The following PLAAT3 variants were observed in gnomAD, a reference collection of about 807,000 sequenced individuals.
PLAAT3 encodes the protein Ca-independent phospholipase A1/2.
Under a neutral mutation model 16.7 loss-of-function variants are expected in PLAAT3, and 21 were observed. The observed-to-expected ratio is 1.26, with a 90% CI of 0.89 to 1.81. The LOEUF (loss-of-function observed/expected upper bound fraction) is 1.81, where lower values mean the gene tolerates loss of function less well. PLAAT3 is among the 40% of genes most tolerant of loss of function. The pLI is 0.00. For synonymous variants in PLAAT3, 76 were observed against 81.7 expected, an observed-to-expected ratio of 0.93 and a Z score of 0.38; for missense variants, 219 against 213.7, an observed-to-expected ratio of 1.02 and a Z score of -0.16.
chr11:63,597,017 A>G (rs1441084652), intron 3 of PLAAT3, among the ~76,000 whole-genome samples: 1 of 151,246 alleles, frequency 6.6e-6, no homozygotes, highest in African/African-American at 2.4e-5. Context: ...AATCACTTGA[A>G]CCTGGGAGGT....
At position 63,613,189 on chromosome 11, in the gene PLAAT3, A is replaced by G. The variant is rs1229142843; in HGVS notation, c.15+811T>C. 3.9e-5 allele frequency among the ~76,000 whole-genome samples: 6 copies of G among 152,118 alleles called. No homozygotes were observed. The South Asian group carries it at 1.0e-3, about 26-fold the overall frequency. ...CACTTTGCGAGACCGAGGCGGGCGG[A>G]GCACGAGGTCAGGAAGTCGAGACCA... On this transcript the variant is annotated intron_variant, in intron 2 of 4. Transcript: ENST00000415826.
upstream of PLAAT3, among the ~76,000 whole-genome samples, chr11:63,615,034 A>ATATATATATATATATATATATATATATG (rs1490480530): frequency 7.5e-4 from 21 of 28,054 alleles, 1 homozygote; most frequent in East Asian, 5.8e-3. Flanking sequence ...ATATGTGTGT[A>ATATATATATATATATATATATATATATG]TATATATGTA....
upstream of PLAAT3, among the ~76,000 whole-genome samples, chr11:63,615,040 A>ATATG (rs1938800918): frequency 1.0e-4 from 1 of 9,636 alleles, no homozygotes; most frequent in African/African-American, 1.3e-4. Flanking sequence ...GTGTATATAT[A>ATATG]TGTATATATA....
chr11:63,615,956 C>T (rs1938862955), upstream of PLAAT3, among the ~76,000 whole-genome samples: 1 of 152,172 alleles, frequency 6.6e-6, no homozygotes, highest in Non-Finnish European at 1.5e-5. Flanking sequence ...GCGTGAGCCA[C>T]CACTCGGCCC....
chr11:63,575,080 G>C, intron 4 of PLAAT3, 34 bp from the exon 5 acceptor site: 1 of 1,391,794 alleles, frequency 7.2e-7, no homozygotes, highest in Non-Finnish European at 1.0e-6. Flanking sequence ...CACACTCTGT[G>C]TCAGGATCCA....
chr11:63,596,401 C>T (rs1397061168), intron 3 of PLAAT3, among the ~76,000 whole-genome samples: 1 of 151,904 alleles, frequency 6.6e-6, no homozygotes, highest in Non-Finnish European at 1.5e-5. Flanking sequence ...TTGTGGAAGA[C>T]AATTTTTCCA....
intron 4 of PLAAT3, among the ~76,000 whole-genome samples, chr11:63,580,239 T>A (rs1305511631): frequency 2.0e-5 from 3 of 152,180 alleles, no homozygotes; most frequent in Non-Finnish European, 4.4e-5. Context: ...GTAGGCAGAA[T>A]GATAAGCCCC....
intron 2 of PLAAT3, among the ~76,000 whole-genome samples, chr11:63,600,250 T>C (rs761331146): frequency 2.0e-5 from 3 of 152,228 alleles, no homozygotes; most frequent in African/African-American, 4.8e-5. Flanking sequence ...CCCAAAGTGC[T>C]GGGATTACAG....
chr11:63,584,657 G>A (rs1009179801), intron 4 of PLAAT3, among the ~76,000 whole-genome samples: 3 of 151,810 alleles, frequency 2.0e-5, no homozygotes, highest in African/African-American at 7.3e-5. Context: ...GCGACTACAG[G>A]CCACCACGCC....
intron 2 of PLAAT3, among the ~76,000 whole-genome samples, chr11:63,612,114 GACA>G (rs1186784669): frequency 2.6e-5 from 4 of 152,150 alleles, no homozygotes; most frequent in East Asian, 3.9e-4. Context: ...CTCCAGCCTG[GACA>G]ACAAGAGTGA....
chr11:63,588,998 A>G (rs76009932), intron 4 of PLAAT3, among the ~76,000 whole-genome samples: 5 of 149,876 alleles, frequency 3.3e-5, no homozygotes, highest in Non-Finnish European at 7.4e-5. Context: ...AAAAAAAAAA[A>G]GAGGAGGATA....
intron 4 of PLAAT3, among the ~76,000 whole-genome samples, chr11:63,579,358 C>A (rs1937727080): frequency 6.6e-6 from 1 of 152,180 alleles, no homozygotes; most frequent in African/African-American, 2.4e-5. Context: ...CTTGACCCAG[C>A]CATCCCATTA....
chr11:63,602,553 G>A (rs1938458897), intron 2 of PLAAT3, among the ~76,000 whole-genome samples: 1 of 151,642 alleles, frequency 6.6e-6, no homozygotes, highest in Admixed American at 6.6e-5. Context: ...CTGCCTGCAA[G>A]AGGTCTGCCT....
Position 63,590,249 on chromosome 11 carries a change from G to A in PLAAT3, c.238C>T (p.His80Tyr), listed in dbSNP as rs1325581276. 3.7e-6 allele frequency: 6 copies of A among 1,614,092 alleles called. No individual in the cohort carries two copies. The highest frequency in any genetic ancestry group is 5.1e-6 in the Non-Finnish European group (6 of 1,180,028). Residue 80 changes from histidine (H) to tyrosine (Y), a missense_variant, in exon 4 of 5, where the codon CAT (histidine) becomes TAT (tyrosine). Coordinates refer to ENST00000415826, the MANE Select transcript of PLAAT3 (RefSeq NM_001128203.2). ...GSDKYQVNNK[H>Y]DDKYSPLPCS... ...GGCAGCGGCGAGTACTTGTCATCAT[G>A]TTTGTTGTTGACCTGGTACTTGTCA... is the stretch of plus-strand genomic sequence containing the variant.
intron 4 of PLAAT3, among the ~76,000 whole-genome samples, chr11:63,585,767 T>C (rs745402565): frequency 9.2e-5 from 14 of 152,180 alleles, no homozygotes; most frequent in Non-Finnish European, 1.6e-4. Context: ...GGTAGATGGG[T>C]AGGGCCAAAG....
chr11:63,580,305 A>C (rs1359440226), intron 4 of PLAAT3, among the ~76,000 whole-genome samples: 1 of 152,228 alleles, frequency 6.6e-6, no homozygotes, highest in Admixed American at 6.5e-5. Flanking sequence ...GCTACATGGC[A>C]AGTGAGAATT....
At chr11:63,608,602 A>G (rs1051517811) in intron 2 of PLAAT3, 1 of 152,180 alleles carries the variant, frequency 6.6e-6, no homozygotes, top group Non-Finnish European at 1.5e-5. Flanking sequence ...AAACAAAAAG[A>G]ATGTTTTTCT....
Position 63,589,409 on chromosome 11 carries a change from C to CAAAAAAAAAAAAAAAA in PLAAT3, c.387+690_387+691insTTTTTTTTTTTTTTTT, listed in dbSNP as rs748851566. 6.5e-5 allele frequency among the ~76,000 whole-genome samples: 2 copies of CAAAAAAAAAAAAAAAA among 30,750 alleles called. 1 individual carries two copies. 20.2% of individuals were successfully genotyped at this position (30,750 alleles called of 152,430 possible). A position where few individuals can be genotyped will look rare whatever the true frequency, so the allele number is the denominator to read the frequency against. ...CTTCCCAATGTTCTTTTCACCTATG[C>CAAAAAAAAAAAAAAAA]AAAGAAAAAAAAAAAAAAAAAGATG... On this transcript the variant is annotated intron_variant, in intron 4 of 4. Transcript: ENST00000415826.
chr11:63,575,201 G>A (rs2017643138), intron 4 of PLAAT3, among the ~76,000 whole-genome samples, 155 bp from the exon 5 acceptor site: 1 of 152,248 alleles, frequency 6.6e-6, no homozygotes. Flanking sequence ...GAAGAGGGGA[G>A]GAGAGGGCTG....
Sources: gnomAD v4.1 joint callset for allele counts (sites outside exome capture counted in the v4.1 genomes callset) on GRCh38, gnomAD v4.1.1 for gene constraint, MANE v1.5 for transcripts, NCBI Gene and HGNC (gene_info 2026-07-23, HGNC 2026-07-21) for gene names.